Variants in TYW1B observed in about 807,000 individuals in gnomAD.
TYW1B encodes the protein S-adenosyl-L-methionine-dependent tRNA 4-demethylwyosine synthase TYW1B.
Under a neutral mutation model 86.9 loss-of-function variants are expected in TYW1B, and 73 were observed. That is an observed-to-expected ratio of 0.84 (90% CI 0.70 to 1.02). The LOEUF (loss-of-function observed/expected upper bound fraction) is 1.02, where lower values mean the gene tolerates loss of function less well. Ranked by LOEUF, TYW1B falls within the 50% of genes least tolerant of loss-of-function variation. TYW1B has a pLI of 0.00. For missense variants in TYW1B, 637 were observed against 827.4 expected, an observed-to-expected ratio of 0.77 and a Z score of 2.82; for synonymous variants, 248 against 292.8, an observed-to-expected ratio of 0.85 and a Z score of 1.56.
chr7:72,811,287 GAAAGAAAGAAA>G (rs1436281844), intron 3 of TYW1B, among the ~76,000 whole-genome samples: 10 of 56,378 alleles, frequency 1.8e-4, no homozygotes, highest in African/African-American at 4.0e-4. Flanking sequence ...AAAAAAAAAA[GAAAGAAAGAAA>G]AAAGAAAAAA....
At chr7:72,631,560 A>C (rs1812492630) in intron 11 of TYW1B, among the ~76,000 whole-genome samples, 1 of 152,152 alleles carries the variant, frequency 6.6e-6, no homozygotes, top group Non-Finnish European at 1.5e-5. Flanking sequence ...AGTTGGACTA[A>C]CAGAAGAATT....
chr7:72,655,806 T>TC (rs1554443533), intron 11 of TYW1B, among the ~76,000 whole-genome samples: 10 of 152,122 alleles, frequency 6.6e-5, no homozygotes, highest in Non-Finnish European at 1.2e-4. Context: ...TGTCTGCCCA[T>TC]CTGCACACAC....
At chr7:72,763,376 G>A (rs1284962682) in intron 7 of TYW1B, among the ~76,000 whole-genome samples, 1 of 146,048 alleles carries the variant, frequency 6.8e-6, no homozygotes, top group Non-Finnish European at 1.5e-5. Flanking sequence ...TCCGCCTCCT[G>A]GGTTCAAGCG....
intron 8 of TYW1B, among the ~76,000 whole-genome samples, chr7:72,731,506 T>A (rs1477093820): frequency 2.3e-4 from 34 of 150,504 alleles, no homozygotes; most frequent in African/African-American, 8.1e-4. Context: ...TGGATTAAAG[T>A]CCCTTGTTAA....
chr7:72,823,599 A>G (rs1330190338), intron 2 of TYW1B, among the ~76,000 whole-genome samples: 1 of 151,908 alleles, frequency 6.6e-6, no homozygotes, highest in East Asian at 1.9e-4. Context: ...CAGCCTGGCG[A>G]CACAGGGAGA....
chr7:72,668,808 G>A (rs1445465447), intron 11 of TYW1B, among the ~76,000 whole-genome samples: 1 of 152,132 alleles, frequency 6.6e-6, no homozygotes, highest in Non-Finnish European at 1.5e-5. Flanking sequence ...ATAACGCTAG[G>A]TTTTAAGTCT....
chr7:72,716,530 A>G (rs1786786242), intron 9 of TYW1B, among the ~76,000 whole-genome samples: 1 of 152,194 alleles, frequency 6.6e-6, no homozygotes, highest in African/African-American at 2.4e-5. Context: ...TTTTAGACAC[A>G]CTGTTCCGCC....
At chr7:72,776,944 GT>G (rs1787966198) in intron 7 of TYW1B, among the ~76,000 whole-genome samples, 1 of 152,082 alleles carries the variant, frequency 6.6e-6, no homozygotes, top group South Asian at 2.1e-4. Flanking sequence ...TAGAGGGGAA[GT>G]GGGGAGGGGG....
At chr7:72,661,086 G>A in intron 11 of TYW1B, among the ~76,000 whole-genome samples, 1 of 150,682 alleles carries the variant, frequency 6.6e-6, no homozygotes, top group Non-Finnish European at 1.5e-5. Flanking sequence ...AGTGAGCCAA[G>A]ATCTCGCCAC....
At chr7:72,762,384 A>G (rs977673599) in intron 7 of TYW1B, among the ~76,000 whole-genome samples, 2 of 152,120 alleles carry the variant, frequency 1.3e-5, no homozygotes, top group Admixed American at 6.6e-5. Flanking sequence ...TTAAAAAGGT[A>G]TATACCTTTT....
At chr7:72,757,384 A>AC (rs1238581650) in intron 7 of TYW1B, among the ~76,000 whole-genome samples, 3 of 151,690 alleles carry the variant, frequency 2.0e-5, no homozygotes, top group African/African-American at 7.3e-5. Context: ...AAAAAAAAAA[A>AC]AACCAGAAAT....
intron 11 of TYW1B, among the ~76,000 whole-genome samples, chr7:72,641,932 T>G (rs1373057326): frequency 1.3e-5 from 2 of 151,932 alleles, no homozygotes; most frequent in African/African-American, 4.8e-5. Flanking sequence ...CCAAAATAAT[T>G]TGAAAAAGAA....
chr7:72,810,412 G>A, intron 4 of TYW1B, 59 bp downstream of exon 4: 1 of 1,542,878 alleles, frequency 6.5e-7, no homozygotes. Context: ...GTACGTGTGT[G>A]TGCGTGTGTG....
In TYW1B at chr7:72,575,261, T is replaced by C. The variant is rs1810994241; in HGVS notation, c.*237A>G. The stretch of plus-strand genomic sequence containing the variant: ...GTGTAGTTCCTCCCCAAAATAATTT[T>C]CCTCTTAGAAGTAAAATCAGGAAAG... On this transcript the variant is annotated 3_prime_UTR_variant, in exon 14 of 14. Coordinates refer to ENST00000620995, the MANE Select transcript of TYW1B (RefSeq NM_001145440.3). 2 of 1,353,602 alleles carry C rather than the reference T, an allele frequency of 1.5e-6. No individual in the cohort carries two copies. Among genetic ancestry groups the C allele is most frequent in the African/African-American group, 2.9e-5 (2 of 68,484 alleles). 83.8% of individuals were successfully genotyped at this position (1,353,602 alleles called of 1,614,324 possible).
At chr7:72,616,623 G>T in intron 13 of TYW1B, 49 bp downstream of exon 13, 1 of 1,613,566 alleles carries the variant, frequency 6.2e-7, no homozygotes, top group African/African-American at 1.3e-5. Flanking sequence ...GAGAAGGAAA[G>T]AACAGCAGGG....
At chr7:72,826,152 C>G (rs1788925422) in intron 2 of TYW1B, among the ~76,000 whole-genome samples, 1 of 152,168 alleles carries the variant, frequency 6.6e-6, no homozygotes, top group Non-Finnish European at 1.5e-5. Flanking sequence ...ACAAAGATGT[C>G]TTTCTCTCGA....
chr7:72,703,592 T>C (rs1328342643), intron 10 of TYW1B, among the ~76,000 whole-genome samples: 8 of 151,700 alleles, frequency 5.3e-5, no homozygotes, highest in African/African-American at 1.2e-4. Context: ...CGGTGGCTCA[T>C]GCCTGTAATC....
intron 13 of TYW1B, among the ~76,000 whole-genome samples, chr7:72,589,684 C>CT (rs782562965): frequency 6.6e-6 from 1 of 152,194 alleles, no homozygotes; most frequent in Non-Finnish European, 1.5e-5. Flanking sequence ...CAAGACCGGC[C>CT]TGACCAACAT....
At position 72,608,652 on chromosome 7, in the gene TYW1B, A is replaced by G. The variant is rs1323091828; in HGVS notation, c.1785+8020T>C. ...CCTATAAGAAACTCACTTCGAATAT[A>G]ATGATACACGCAGGTTGAAGGGCAA... is the stretch of plus-strand genomic sequence containing the variant. On this transcript the variant is annotated intron_variant, in intron 13 of 13. Transcript: ENST00000620995. Among the ~76,000 whole-genome samples, 4 of 152,246 alleles carry G rather than the reference A, an allele frequency of 2.6e-5. No individual in the cohort carries two copies. The East Asian group carries it at 7.7e-4, about 29-fold the overall frequency.
Sources: gnomAD v4.1 joint callset for allele counts (sites outside exome capture counted in the v4.1 genomes callset) on GRCh38, gnomAD v4.1.1 for gene constraint, MANE v1.5 for transcripts, NCBI Gene and HGNC (gene_info 2026-07-23, HGNC 2026-07-21) for gene names.